The following KAZN variants were observed in gnomAD, a reference collection of about 807,000 sequenced individuals.
KAZN encodes the protein kazrin, periplakin interacting protein.
A neutral mutation model predicts 87.4 loss-of-function variants in KAZN; 40 were observed. The ratio of observed to expected loss-of-function variants is 0.46; its 90% CI spans 0.36 to 0.60. KAZN has a LOEUF of 0.60. Among genes scored for constraint, KAZN ranks in the 20% least tolerant of loss-of-function variants. KAZN has a pLI of 0.00. For synonymous variants in KAZN, 466 were observed against 458.3 expected, an observed-to-expected ratio of 1.02 and a Z score of -0.22; for missense variants, 898 against 1,073.9, an observed-to-expected ratio of 0.84 and a Z score of 2.29.
chr1:14,647,286 A>G (rs1339738273), intron 1 of KAZN, among the ~76,000 whole-genome samples: 1 of 152,118 alleles, frequency 6.6e-6, no homozygotes, highest in Non-Finnish European at 1.5e-5. Context: ...AGAAATCAAA[A>G]CCCACACGCC....
chr1:14,454,796 C>T (rs1229196005), intron 2 of KAZN, among the ~76,000 whole-genome samples: 2 of 152,166 alleles, frequency 1.3e-5, no homozygotes. Flanking sequence ...ATTAGTTATC[C>T]ATTGCTTCAT....
At chr1:14,794,674 T>A (rs1054173397) in intron 1 of KAZN, among the ~76,000 whole-genome samples, 3 of 152,226 alleles carry the variant, frequency 2.0e-5, no homozygotes, top group Non-Finnish European at 4.4e-5. Context: ...TGCACACCAC[T>A]GGGTATCAGT....
rs1673927628 is a variant in KAZN at position 15,048,747 on chromosome 1, G to A, written c.726+4588G>A. Among the ~76,000 whole-genome samples, 4 of 148,706 alleles carry A rather than the reference G, an allele frequency of 2.7e-5. 2 individuals are homozygous for A. The highest frequency in any genetic ancestry group is 4.6e-4 in the South Asian group (2 of 4,344). The stretch of plus-strand genomic sequence containing the variant: ...CGTTGGTCATGGGTCGTCGATCCTG[G>A]GTCGTCGATCCTGGGTCGTCGATCC... On this transcript the variant is annotated intron_variant, in intron 4 of 14. Transcript: ENST00000376030.
At chr1:14,943,826 C>T (rs1430080280) in intron 1 of KAZN, among the ~76,000 whole-genome samples, 3 of 151,854 alleles carry the variant, frequency 2.0e-5, no homozygotes, top group East Asian at 1.9e-4. Context: ...AATCCCACCA[C>T]TTTGGGAGGC....
intron 2 of KAZN, among the ~76,000 whole-genome samples, chr1:14,391,747 T>C (rs903097210): frequency 6.6e-6 from 1 of 152,202 alleles, no homozygotes; most frequent in Non-Finnish European, 1.5e-5. Context: ...GACGTCTCAG[T>C]AAGATTCAGG....
At chr1:14,845,512 T>A (rs1314026597) in intron 1 of KAZN, among the ~76,000 whole-genome samples, 2 of 149,934 alleles carry the variant, frequency 1.3e-5, no homozygotes, top group African/African-American at 4.9e-5. Flanking sequence ...GATGGATAAG[T>A]GGATGGATGA....
chr1:14,415,037 A>G (rs1282736341), intron 2 of KAZN, among the ~76,000 whole-genome samples: 3 of 152,074 alleles, frequency 2.0e-5, no homozygotes, highest in Non-Finnish European at 4.4e-5. Context: ...AAATAAATAA[A>G]TACGTACGTA....
chr1:14,727,623 C>T (rs1214047588), intron 1 of KAZN, among the ~76,000 whole-genome samples: 2 of 151,082 alleles, frequency 1.3e-5, no homozygotes, highest in Non-Finnish European at 1.5e-5. Flanking sequence ...TGCACCACCA[C>T]GCCTGGCTAA....
At chr1:14,366,621 G>A (rs1172778535) in intron 2 of KAZN, among the ~76,000 whole-genome samples, 3 of 152,308 alleles carry the variant, frequency 2.0e-5, no homozygotes, top group East Asian at 1.9e-4. Context: ...AGCCGTGGGC[G>A]AGCACTTTTG....
At chr1:14,679,491 C>T (rs947330498) in intron 1 of KAZN, among the ~76,000 whole-genome samples, 5 of 151,868 alleles carry the variant, frequency 3.3e-5, no homozygotes, top group South Asian at 2.1e-4. Flanking sequence ...CTGTGGGTTC[C>T]GGATTGGTTG....
At chr1:14,443,560 C>T (rs1167780201) in intron 2 of KAZN, among the ~76,000 whole-genome samples, 1 of 152,234 alleles carries the variant, frequency 6.6e-6, no homozygotes, top group Non-Finnish European at 1.5e-5. Context: ...CCTGGCCTTC[C>T]TGCCCACTCT....
At chr1:14,164,788 C>T (rs940936752) in intron 1 of KAZN, among the ~76,000 whole-genome samples, 3 of 152,050 alleles carry the variant, frequency 2.0e-5, no homozygotes, top group Admixed American at 6.6e-5. Flanking sequence ...ATCCGCCTGC[C>T]TCGGCCTCCC....
At chr1:14,785,058 G>T (rs770375380) in intron 1 of KAZN, among the ~76,000 whole-genome samples, 1 of 151,298 alleles carries the variant, frequency 6.6e-6, no homozygotes, top group African/African-American at 2.4e-5. Context: ...GGTGCATAAC[G>T]TCAAGCTTCT....
intron 1 of KAZN, among the ~76,000 whole-genome samples, chr1:14,950,204 T>C (rs1434178883): frequency 6.6e-6 from 1 of 151,980 alleles, no homozygotes; most frequent in Non-Finnish European, 1.5e-5. Flanking sequence ...GGGATTGCTG[T>C]ACTGCTTCCC....
chr1:14,916,003 T>C (rs1377925076), intron 1 of KAZN, among the ~76,000 whole-genome samples: 1 of 152,180 alleles, frequency 6.6e-6, no homozygotes. Context: ...TCTGTGTCTG[T>C]TTCCTCATCT....
chr1:14,419,565 C>G (rs927349592), intron 2 of KAZN, among the ~76,000 whole-genome samples: 1 of 152,210 alleles, frequency 6.6e-6, no homozygotes, highest in African/African-American at 2.4e-5. Flanking sequence ...TCACTGACTT[C>G]AAGAACGAAG....
chr1:14,402,097 AAAAG>A (rs918606794), intron 2 of KAZN, among the ~76,000 whole-genome samples: 15 of 152,030 alleles, frequency 9.9e-5, no homozygotes, highest in African/African-American at 3.6e-4. Context: ...GTAAAAAAAA[AAAAG>A]AGAACATATA....
chr1:14,846,626 A>G (rs1422941285), intron 1 of KAZN, among the ~76,000 whole-genome samples: 1 of 152,226 alleles, frequency 6.6e-6, no homozygotes, highest in Non-Finnish European at 1.5e-5. Flanking sequence ...ACAGTGCACT[A>G]CAGTTTACAA....
intron 1 of KAZN, among the ~76,000 whole-genome samples, chr1:13,982,288 A>T (rs934481903): frequency 5.3e-5 from 8 of 152,142 alleles, no homozygotes; most frequent in Non-Finnish European, 1.2e-4. Flanking sequence ...TTCAAGAATG[A>T]AGCCGTGAAC....
Sources: allele counts gnomAD v4.1 joint callset (sites outside exome capture counted in the v4.1 genomes callset), GRCh38; gene constraint gnomAD v4.1.1; transcripts MANE v1.5; gene names NCBI Gene and HGNC (gene_info 2026-07-23, HGNC 2026-07-21).